Variants in MAD1L1 observed in about 807,000 individuals in gnomAD.
MAD1L1 encodes mitotic spindle assembly checkpoint protein MAD1.
A neutral mutation model predicts 96.9 loss-of-function variants in MAD1L1; 95 were observed. That is an observed-to-expected ratio of 0.98 (90% CI 0.83 to 1.16). The LOEUF is 1.16. Among genes scored for constraint, MAD1L1 ranks in the 50% most tolerant of loss-of-function variants. The pLI, the probability that MAD1L1 is intolerant of heterozygous loss-of-function variation, is 0.00. For missense variants in MAD1L1, 1,007 were observed against 954.4 expected, an observed-to-expected ratio of 1.06 and a Z score of -0.73; for synonymous variants, 473 against 396.6, an observed-to-expected ratio of 1.19 and a Z score of -2.29.
At chr7:1,979,656 G>A (rs1044006082) in intron 15 of MAD1L1, among the ~76,000 whole-genome samples, 20 of 152,366 alleles carry the variant, frequency 1.3e-4, no homozygotes, top group African/African-American at 1.9e-4. Flanking sequence ...TAGGGGCGCC[G>A]TGTGCAAGCA....
At chr7:2,185,268 C>G (rs1183709464) in intron 10 of MAD1L1, among the ~76,000 whole-genome samples, 1 of 151,414 alleles carries the variant, frequency 6.6e-6, no homozygotes, top group African/African-American at 2.4e-5. Context: ...AAACACAGTA[C>G]AATTCCATTT....
At chr7:2,168,769 G>T (rs552344147) in intron 10 of MAD1L1, among the ~76,000 whole-genome samples, 1 of 152,284 alleles carries the variant, frequency 6.6e-6, no homozygotes, top group East Asian at 1.9e-4. Flanking sequence ...AGCTCTGGGA[G>T]GGTGGAGGAA....
intron 14 of MAD1L1, among the ~76,000 whole-genome samples, chr7:1,985,745 G>A (rs1217722564): frequency 1.3e-5 from 2 of 151,438 alleles, no homozygotes; most frequent in Admixed American, 6.6e-5. Flanking sequence ...AGTTTTCCCC[G>A]TGATTCGCCT....
chr7:1,874,689 G>T, intron 18 of MAD1L1: 1 of 370,808 alleles, frequency 2.7e-6, no homozygotes. Context: ...CCTGCTACCT[G>T]CTCGATTGGG....
intron 10 of MAD1L1, among the ~76,000 whole-genome samples, chr7:2,162,160 G>C (rs1360024295): frequency 6.6e-6 from 1 of 152,212 alleles, no homozygotes; most frequent in African/African-American, 2.4e-5. Flanking sequence ...GGGGAAATGT[G>C]GGGAAAAGAA....
chr7:2,102,324 GTCACCA>G (rs974913472), intron 11 of MAD1L1, among the ~76,000 whole-genome samples: 13 of 114,510 alleles, frequency 1.1e-4, no homozygotes, highest in East Asian at 2.8e-4. Context: ...CATCACCGCC[GTCACCA>G]TCACCATCAC....
intron 10 of MAD1L1, among the ~76,000 whole-genome samples, chr7:2,201,073 C>A (rs1350629292): frequency 6.6e-6 from 1 of 152,188 alleles, no homozygotes; most frequent in Non-Finnish European, 1.5e-5. Context: ...GGGAGTGACC[C>A]CAGGTGATCC....
At chr7:1,984,755 T>G (rs150723340) in intron 14 of MAD1L1, among the ~76,000 whole-genome samples, 139 of 152,384 alleles carry the variant, frequency 9.1e-4, no homozygotes, top group African/African-American at 3.2e-3. Flanking sequence ...CAGGAAGTCC[T>G]TTCCTTTTAA....
chr7:1,982,437 G>A (rs1329737455), intron 14 of MAD1L1, among the ~76,000 whole-genome samples: 4 of 152,154 alleles, frequency 2.6e-5, no homozygotes, highest in Non-Finnish European at 5.9e-5. Context: ...CCGATCTCCT[G>A]ACCTCAAGTG....
intron 15 of MAD1L1, among the ~76,000 whole-genome samples, chr7:1,960,153 C>T (rs1412948087): frequency 6.7e-6 from 1 of 149,706 alleles, no homozygotes; most frequent in Non-Finnish European, 1.5e-5. Flanking sequence ...TACCCTACAG[C>T]AAGCCCTAAA....
At chr7:2,042,248 CACAG>C (rs1314647575) in intron 12 of MAD1L1, among the ~76,000 whole-genome samples, 1 of 151,396 alleles carries the variant, frequency 6.6e-6, no homozygotes, top group South Asian at 2.1e-4. Context: ...CGCACACGTA[CACAG>C]ACACACATAC....
chr7:1,986,553 C>T (rs1781158233), intron 14 of MAD1L1, among the ~76,000 whole-genome samples: 1 of 150,816 alleles, frequency 6.6e-6, no homozygotes, highest in South Asian at 2.1e-4. Context: ...GGGTTCTACT[C>T]CGCGGCTCCC....
At chr7:1,997,117 G>C (rs1431866168) in intron 14 of MAD1L1, among the ~76,000 whole-genome samples, 2 of 152,178 alleles carry the variant, frequency 1.3e-5, no homozygotes, top group Non-Finnish European at 2.9e-5. Flanking sequence ...AATTAGTACG[G>C]GTTTGCTAAT....
intron 11 of MAD1L1, among the ~76,000 whole-genome samples, chr7:2,126,333 G>A (rs888036820): frequency 2.6e-5 from 4 of 152,172 alleles, no homozygotes; most frequent in Admixed American, 6.5e-5. Context: ...GGGCAGCTTC[G>A]AATTCCATTT....
At chr7:2,229,840 G>A in intron 3 of MAD1L1, 144 bp downstream of exon 3, 1 of 869,630 alleles carries the variant, frequency 1.1e-6, no homozygotes. Context: ...AATGAGGAGT[G>A]CCCATAGTGA....
chr7:2,163,952 C>T (rs1187171476), intron 10 of MAD1L1, among the ~76,000 whole-genome samples: 1 of 152,038 alleles, frequency 6.6e-6, no homozygotes, highest in African/African-American at 2.4e-5. Flanking sequence ...GCAGAGTTAA[C>T]ACCTTAGTGT....
intron 18 of MAD1L1, among the ~76,000 whole-genome samples, chr7:1,866,287 G>A (rs935020733): frequency 2.6e-5 from 4 of 152,208 alleles, no homozygotes; most frequent in African/African-American, 9.6e-5. Context: ...CCAGGTGGGA[G>A]GAGATAGACG....
At chr7:2,159,188 T>C (rs1789981830) in intron 10 of MAD1L1, among the ~76,000 whole-genome samples, 1 of 152,242 alleles carries the variant, frequency 6.6e-6, no homozygotes, top group African/African-American at 2.4e-5. Context: ...CTCGTCACGC[T>C]GTGACTCCCA....
chr7:1,965,364 T>A (rs899196248), intron 15 of MAD1L1, among the ~76,000 whole-genome samples: 3 of 152,126 alleles, frequency 2.0e-5, no homozygotes, highest in African/African-American at 7.2e-5. Context: ...CGCCTGCCCT[T>A]CCTCTCCCAC....
Sources: gnomAD v4.1 joint callset for allele counts (sites outside exome capture counted in the v4.1 genomes callset) on GRCh38, gnomAD v4.1.1 for gene constraint, MANE v1.5 for transcripts, NCBI Gene and HGNC (gene_info 2026-07-23, HGNC 2026-07-21) for gene names.